The following FRMPD4 variants were observed in gnomAD, a reference collection of about 807,000 sequenced individuals.
FRMPD4 encodes FERM and PDZ domain-containing protein 4.
FRMPD4 carries 22 observed loss-of-function variants against 94.1 expected under a neutral mutation model. The ratio of observed to expected loss-of-function variants is 0.23; its 90% CI spans 0.17 to 0.33. The LOEUF (loss-of-function observed/expected upper bound fraction) is 0.33. FRMPD4 is among the 10% of genes least tolerant of loss of function. The pLI, the probability that FRMPD4 is intolerant of heterozygous loss-of-function variation, is 1.00. For synonymous variants in FRMPD4, 631 were observed against 548.6 expected (o/e 1.15, Z -2.10); for missense variants, 1,111 against 1,339.9 (o/e 0.83, Z 2.67).
chrX:12,694,804 T>A (rs748903062), intron 9 of FRMPD4, among the ~76,000 whole-genome samples: 4 of 111,975 alleles, frequency 3.6e-5, no homozygotes, highest in Non-Finnish European at 7.5e-5. Flanking sequence ...GAAGGTCAAT[T>A]ACCAAAATAA....
chrX:12,226,924 A>G (rs1369315510), intron 1 of FRMPD4, among the ~76,000 whole-genome samples: 1 of 110,635 alleles, frequency 9.0e-6, no homozygotes, highest in Admixed American at 9.7e-5. Flanking sequence ...TTTTTAAAAA[A>G]TTGGTCCAGA....
intron 1 of FRMPD4, among the ~76,000 whole-genome samples, chrX:12,183,704 T>G (rs905881418): frequency 9.0e-5 from 10 of 111,302 alleles, no homozygotes; most frequent in African/African-American, 2.9e-4. Context: ...TGATCTCCCT[T>G]GCTGTCTTCT....
chrX:12,016,562 G>C (rs2054605696), intron 3 of FRMPD4, among the ~76,000 whole-genome samples: 1 of 111,649 alleles, frequency 9.0e-6, no homozygotes, highest in Admixed American at 9.5e-5. Flanking sequence ...ATTTGACCTT[G>C]AGAGTTATAC....
chrX:12,487,907 AG>A (rs1312130283), intron 1 of FRMPD4, among the ~76,000 whole-genome samples: 2 of 112,365 alleles, frequency 1.8e-5, no homozygotes, highest in Non-Finnish European at 3.8e-5. Context: ...TTAAAAGAAA[AG>A]CCACCAGAAA....
intron 1 of FRMPD4, among the ~76,000 whole-genome samples, chrX:12,484,859 A>G (rs2057723495): frequency 8.9e-6 from 1 of 112,150 alleles, no homozygotes; most frequent in African/African-American, 3.2e-5. Flanking sequence ...TAATTTCTCT[A>G]CCTACCTATG....
intron 1 of FRMPD4, among the ~76,000 whole-genome samples, chrX:12,168,055 T>A (rs2056152220): frequency 9.0e-6 from 1 of 110,592 alleles, no homozygotes; most frequent in Admixed American, 9.6e-5. Flanking sequence ...AGGTTAGGGA[T>A]GCTGTTATGC....
At chrX:12,658,389 A>G (rs2059680209) in intron 4 of FRMPD4, among the ~76,000 whole-genome samples, 1 of 112,088 alleles carries the variant, frequency 8.9e-6, no homozygotes, top group Non-Finnish European at 1.9e-5. Context: ...TAGAGGCAGG[A>G]AAGAAGGGAA....
chrX:12,123,123 C>CT (rs58251577), intron 3 of FRMPD4, among the ~76,000 whole-genome samples: 1,247 of 84,233 alleles, frequency 0.015, 11 homozygotes, highest in Non-Finnish European at 0.021. Flanking sequence ...ATTTTCTTTT[C>CT]TTTTTTTTTT....
chrX:11,922,146 A>C (rs1271499055), intron 3 of FRMPD4, among the ~76,000 whole-genome samples: 1 of 108,064 alleles, frequency 9.3e-6, no homozygotes, highest in African/African-American at 3.4e-5. Context: ...AGACTGGGTA[A>C]GTTATAAAGA....
chrX:12,381,372 G>A (rs1279883432), intron 1 of FRMPD4, among the ~76,000 whole-genome samples: 1 of 112,262 alleles, frequency 8.9e-6, no homozygotes, highest in Non-Finnish European at 1.9e-5. Flanking sequence ...GAAACTGTAA[G>A]GAAACATGCT....
intron 1 of FRMPD4, among the ~76,000 whole-genome samples, chrX:12,481,712 C>T (rs369796068): frequency 8.3e-5 from 9 of 108,282 alleles, no homozygotes; most frequent in East Asian, 2.9e-4. Flanking sequence ...GAGGCTGAGG[C>T]GGGTGGATCA....
chrX:12,352,194 A>G (rs2055825794), intron 1 of FRMPD4, among the ~76,000 whole-genome samples: 1 of 112,284 alleles, frequency 8.9e-6, no homozygotes, highest in Non-Finnish European at 1.9e-5. Flanking sequence ...AAAAAATTTA[A>G]TGTCTTTAAA....
chrX:12,427,746 A>G (rs1262325480), intron 1 of FRMPD4, among the ~76,000 whole-genome samples: 1 of 111,387 alleles, frequency 9.0e-6, no homozygotes, highest in Non-Finnish European at 1.9e-5. Context: ...CTCCCCAGAC[A>G]CAAATATATT....
chrX:12,100,077 G>A (rs1273170224), intron 3 of FRMPD4, among the ~76,000 whole-genome samples: 3 of 112,343 alleles, frequency 2.7e-5, no homozygotes, highest in Non-Finnish European at 5.6e-5. Context: ...TGTGACAAGA[G>A]ACTGTGTGTC....
intron 8 of FRMPD4, among the ~76,000 whole-genome samples, chrX:12,693,339 T>TC (rs2060096129): frequency 8.9e-6 from 1 of 112,142 alleles, no homozygotes; most frequent in African/African-American, 3.2e-5. Context: ...TTTCATTCAT[T>TC]CAAGTGTTTA....
intron 3 of FRMPD4, among the ~76,000 whole-genome samples, chrX:12,131,175 G>C (rs1235222784): frequency 1.8e-5 from 2 of 112,002 alleles, no homozygotes; most frequent in Non-Finnish European, 3.8e-5. Context: ...CCAGGGGAAG[G>C]CCCATATAGC....
chrX:12,423,024 T>C lies in FRMPD4; in HGVS notation c.42-75656T>C, dbSNP rs1337885218. On this transcript the variant is annotated intron_variant, in intron 1 of 16. Coordinates refer to ENST00000675598, the MANE Select transcript of FRMPD4 (RefSeq NM_001368397.1). ...GTTTTCTTGACAGCTGGGTATTTCATATCCTGCCTGTGGAAACTCAGTAGG... is the reference window on the plus strand; with the variant it reads ...GTTTTCTTGACAGCTGGGTATTTCACATCCTGCCTGTGGAAACTCAGTAGG... Among the ~76,000 whole-genome samples, 9 of 111,106 alleles carry C rather than the reference T, an allele frequency of 8.1e-5. 1 individual carries two copies. The highest frequency in any genetic ancestry group is 7.6e-4 in the Admixed American group (8 of 10,485).
chrX:12,165,309 C>G (rs1391283228), intron 1 of FRMPD4, among the ~76,000 whole-genome samples: 2 of 112,443 alleles, frequency 1.8e-5, no homozygotes, highest in African/African-American at 6.5e-5. Flanking sequence ...AATAGGGAAT[C>G]CTTTCCCCAT....
At chrX:12,110,867 T>C (rs755057052) in intron 3 of FRMPD4, among the ~76,000 whole-genome samples, 4 of 111,178 alleles carry the variant, frequency 3.6e-5, no homozygotes, top group South Asian at 3.8e-4. Flanking sequence ...TTACAAGGGA[T>C]GTGAAGGACC....
Sources: allele counts gnomAD v4.1 joint callset (sites outside exome capture counted in the v4.1 genomes callset), GRCh38; gene constraint gnomAD v4.1.1; transcripts MANE v1.5; gene names NCBI Gene and HGNC (gene_info 2026-07-23, HGNC 2026-07-21).